PKHD1: variants seen among roughly 807,000 people sequenced by gnomAD.
PKHD1 encodes fibrocystin.
PKHD1 carries 291 observed loss-of-function variants against 412.0 expected under a neutral mutation model. That is an observed-to-expected ratio of 0.71 (90% CI 0.64 to 0.78). The LOEUF (loss-of-function observed/expected upper bound fraction) is 0.78. PKHD1 is among the 30% of genes least tolerant of loss of function. PKHD1 has a pLI of 0.00. For synonymous variants in PKHD1, 1,777 were observed against 1,821.5 expected, an observed-to-expected ratio of 0.98 and a Z score of 0.62; for missense variants, 4,825 against 4,950.7, an observed-to-expected ratio of 0.97 and a Z score of 0.76.
chr6:51,807,479 A>AAG (rs1763992550), intron 52 of PKHD1, among the ~76,000 whole-genome samples: 1 of 103,488 alleles, frequency 9.7e-6, no homozygotes, highest in Non-Finnish European at 1.8e-5. Context: ...ATATATATAT[A>AAG]TGTATATGTG....
intron 54 of PKHD1, among the ~76,000 whole-genome samples, chr6:51,773,559 T>C (rs981617831): frequency 8.6e-5 from 13 of 151,418 alleles, no homozygotes; most frequent in African/African-American, 3.1e-4. Flanking sequence ...AGATAAAAAA[T>C]ATACACATAT....
At chr6:51,836,143 C>G (rs1161384155) in intron 51 of PKHD1, among the ~76,000 whole-genome samples, 2 of 152,140 alleles carry the variant, frequency 1.3e-5, no homozygotes, top group Non-Finnish European at 2.9e-5. Flanking sequence ...CACATATGGT[C>G]CATAATTTAT....
chr6:51,801,241 CT>C (rs756248882), intron 52 of PKHD1, among the ~76,000 whole-genome samples: 1 of 151,944 alleles, frequency 6.6e-6, no homozygotes, highest in Non-Finnish European at 1.5e-5. Context: ...AAAAGTATTC[CT>C]AAAATAGAAT....
intron 39 of PKHD1, among the ~76,000 whole-genome samples, chr6:51,910,265 C>T (rs1379933853): frequency 1.3e-5 from 2 of 152,088 alleles, no homozygotes; most frequent in Non-Finnish European, 2.9e-5. Context: ...AATAAATCAT[C>T]TCTCCAATGG....
intron 36 of PKHD1, among the ~76,000 whole-genome samples, chr6:51,950,564 T>C (rs1790211068): frequency 6.6e-6 from 1 of 152,162 alleles, no homozygotes; most frequent in Non-Finnish European, 1.5e-5. Flanking sequence ...CACAGACTAC[T>C]GGGCCTCATT....
At chr6:52,031,941 T>G (rs895033947) in intron 29 of PKHD1, among the ~76,000 whole-genome samples, 4 of 152,206 alleles carry the variant, frequency 2.6e-5, no homozygotes, top group African/African-American at 9.7e-5. Context: ...GGCACTGATA[T>G]AATGTATTTA....
At chr6:51,952,571 C>G in intron 36 of PKHD1, among the ~76,000 whole-genome samples, 1 of 152,110 alleles carries the variant, frequency 6.6e-6, no homozygotes, top group East Asian at 1.9e-4. Flanking sequence ...CCTTGATATT[C>G]TATTTGTAAA....
chr6:51,659,168 A>AC lies in PKHD1; in HGVS notation c.10957_10958insG (p.Met3653SerfsTer13), dbSNP rs1772389754. Reference sequence around the variant, plus strand: ...CACTTTTGAGATAGTTTCCACAGTCATTGGGGGTGAAGCCCTATGTGAGTT... The same window carrying AC: ...CACTTTTGAGATAGTTTCCACAGTCACTTGGGGGTGAAGCCCTATGTGAGTT... On this transcript the variant is annotated frameshift_variant, in exon 61 of 67. Transcript: ENST00000371117. LOFTEE classifies it high-confidence loss of function. 1 of 1,613,834 alleles carries AC rather than the reference A, an allele frequency of 6.2e-7. No homozygotes were observed. The highest frequency in any genetic ancestry group is 8.5e-7 in the Non-Finnish European group (1 of 1,179,852).
intron 52 of PKHD1, among the ~76,000 whole-genome samples, chr6:51,804,363 G>A (rs1161021269): frequency 3.3e-5 from 3 of 90,678 alleles, no homozygotes; most frequent in African/African-American, 7.7e-5. Context: ...ATTCATTGGG[G>A]GGGGGGGGGG....
At chr6:51,779,029 CT>C (rs1297615278) in intron 53 of PKHD1, among the ~76,000 whole-genome samples, 3 of 152,114 alleles carry the variant, frequency 2.0e-5, no homozygotes, top group African/African-American at 7.2e-5. Flanking sequence ...GTAAAATCTT[CT>C]GTACCCCTTG....
chr6:51,701,088 T>C (rs1779352899), intron 60 of PKHD1, among the ~76,000 whole-genome samples: 1 of 152,100 alleles, frequency 6.6e-6, no homozygotes, highest in Admixed American at 6.6e-5. Flanking sequence ...GGGACTTTCC[T>C]ATAACCAAAA....
rs757200611 is a variant in PKHD1, at chr6:51,659,258, G to C, written c.10868C>G (p.Pro3623Arg). Residue 3623 changes from proline (P) to arginine (R), a missense_variant, in exon 61 of 67, where the codon CCT (proline) becomes CGT (arginine). Coordinates refer to ENST00000371117, the MANE Select transcript of PKHD1 (RefSeq NM_138694.4). ...DSRAKRKRNCPTVTCTSHYRR... is the reference protein window; with the variant it reads ...DSRAKRKRNCRTVTCTSHYRR... ...ATAATGACTAGTGCAAGTCACAGTAGGGCAATTGCGCTTTCTTTTTGCTCT... is the reference window on the plus strand; with the variant it reads ...ATAATGACTAGTGCAAGTCACAGTACGGCAATTGCGCTTTCTTTTTGCTCT... 13 of 1,613,818 alleles carry C rather than the reference G, an allele frequency of 8.1e-6. 1 individual carries two copies. The Middle Eastern group carries it at 5.0e-4, about 61-fold the overall frequency.
intron 43 of PKHD1, among the ~76,000 whole-genome samples, chr6:51,898,809 C>T (rs374171759): frequency 9.3e-5 from 14 of 149,978 alleles, no homozygotes; most frequent in Non-Finnish European, 1.8e-4. Flanking sequence ...ATCAAATAGA[C>T]GCAATAAAAA....
chr6:51,835,841 C>T (rs1208890917), intron 51 of PKHD1, among the ~76,000 whole-genome samples: 1 of 152,180 alleles, frequency 6.6e-6, no homozygotes, highest in Non-Finnish European at 1.5e-5. Flanking sequence ...TAAAAGAAAT[C>T]TCTGCGTTTG....
intron 60 of PKHD1, among the ~76,000 whole-genome samples, chr6:51,726,566 C>A (rs558152331): frequency 1.3e-5 from 2 of 152,226 alleles, no homozygotes; most frequent in African/African-American, 2.4e-5. Context: ...CCGCTTCATC[C>A]CCCTCCAGCT....
At chr6:51,927,103 C>T (rs1785761567) in intron 37 of PKHD1, among the ~76,000 whole-genome samples, 1 of 152,006 alleles carries the variant, frequency 6.6e-6, no homozygotes, top group African/African-American at 2.4e-5. Flanking sequence ...TTTAATTTTC[C>T]TCATCCTCCT....
intron 60 of PKHD1, among the ~76,000 whole-genome samples, chr6:51,667,137 T>C (rs1773958892): frequency 6.8e-6 from 1 of 146,760 alleles, no homozygotes; most frequent in South Asian, 2.3e-4. Flanking sequence ...TCCACAATGG[T>C]TGAACTAGTT....
chr6:51,906,228 A>G lies in PKHD1; in HGVS notation c.6795T>C (p.His2265=), dbSNP rs186227053. 92 of 1,612,110 alleles carry G rather than the reference A, an allele frequency of 5.7e-5. No homozygotes were observed. The highest frequency in any genetic ancestry group is 1.6e-4 in the African/African-American group (12 of 74,858). ...TGTTTTACTTACCAACTAGCAGCGC[A>G]TGACCTAAAATATTGTAGAATACAT... ...DSNVFYNILG[H]ALLVGTCTEM... is the part of the protein sequence containing the mutation. Residue 2265 remains histidine, a synonymous_variant, in exon 41 of 67, where the codon CAT becomes CAC. Coordinates refer to ENST00000371117, the MANE Select transcript of PKHD1 (RefSeq NM_138694.4).
intron 55 of PKHD1, among the ~76,000 whole-genome samples, chr6:51,767,560 T>C (rs1355458886): frequency 6.6e-6 from 1 of 152,112 alleles, no homozygotes; most frequent in African/African-American, 2.4e-5. Context: ...AGTGAGAACA[T>C]GCAGTGTTTG....
Sources: allele counts gnomAD v4.1 joint callset (sites outside exome capture counted in the v4.1 genomes callset), GRCh38; gene constraint gnomAD v4.1.1; transcripts MANE v1.5; gene names NCBI Gene and HGNC (gene_info 2026-07-23, HGNC 2026-07-21).